Variants in NEURL1 observed in about 807,000 individuals in gnomAD.
NEURL1 encodes the protein neuralized E3 ubiquitin protein ligase 1, also known as E3 ubiquitin-protein ligase NEURL1.
Under a neutral mutation model 41.2 loss-of-function variants are expected in NEURL1, and 26 were observed. The ratio of observed to expected loss-of-function variants is 0.63; its 90% CI spans 0.46 to 0.87. The LOEUF is 0.87. Among genes scored for constraint, NEURL1 ranks in the 40% least tolerant of loss-of-function variants. The pLI is 0.00. For synonymous variants in NEURL1, 400 were observed against 402.3 expected, an observed-to-expected ratio of 0.99 and a Z score of 0.07; for missense variants, 761 against 871.1, an observed-to-expected ratio of 0.87 and a Z score of 1.59.
At chr10:103,550,700 C>G (rs564213239) in intron 1 of NEURL1, 5 of 152,396 alleles carry the variant, frequency 3.3e-5, no homozygotes, top group African/African-American at 1.2e-4. Flanking sequence ...GGTCCACTGT[C>G]CCCTTGTCTT....
rs138292297 is a variant in NEURL1, at chr10:103,572,611, C to T, written c.649+789C>T. ...GGCCGGAAGAGGACAGGAGAATCTC[C>T]GACTTCCTAGGGTCACACAGTAAGT... On this transcript the variant is annotated intron_variant, in intron 3 of 5. Coordinates refer to ENST00000369780, the MANE Select transcript of NEURL1 (RefSeq NM_004210.5). Among the ~76,000 whole-genome samples, 109 of 152,292 alleles carry T rather than the reference C, an allele frequency of 7.2e-4. 1 individual carries two copies. Among genetic ancestry groups the T allele is most frequent in the Middle Eastern group, 3.4e-3 (1 of 294 alleles).
chr10:103,544,873 A>C (rs1358415056), intron 1 of NEURL1, among the ~76,000 whole-genome samples: 1 of 152,204 alleles, frequency 6.6e-6, no homozygotes, highest in Non-Finnish European at 1.5e-5. Context: ...CACCGCCACC[A>C]GGAGGGAGAA....
intron 1 of NEURL1, among the ~76,000 whole-genome samples, chr10:103,553,286 C>T (rs534755781): frequency 6.6e-6 from 1 of 152,198 alleles, no homozygotes; most frequent in South Asian, 2.1e-4. Flanking sequence ...AGTAAGACCT[C>T]GTGTTTGCTG....
intron 1 of NEURL1, among the ~76,000 whole-genome samples, chr10:103,555,646 A>G (rs1172813208): frequency 1.3e-5 from 2 of 152,008 alleles, no homozygotes; most frequent in Admixed American, 1.3e-4. Context: ...GCGCCCTCCC[A>G]CTGATGGTGG....
At chr10:103,561,145 A>C (rs776170887) in intron 1 of NEURL1, among the ~76,000 whole-genome samples, 1 of 152,310 alleles carries the variant, frequency 6.6e-6, no homozygotes, top group Non-Finnish European at 1.5e-5. Context: ...ACACCGTGGC[A>C]GCTGGCTTCC....
intron 1 of NEURL1, among the ~76,000 whole-genome samples, chr10:103,519,593 C>A (rs2034298458): frequency 6.6e-6 from 1 of 152,162 alleles, no homozygotes; most frequent in African/African-American, 2.4e-5. Flanking sequence ...CATCTGAGGG[C>A]TGGTCGGGTC....
intron 1 of NEURL1, among the ~76,000 whole-genome samples, chr10:103,551,344 C>T (rs570198405): frequency 1.4e-5 from 2 of 146,190 alleles, no homozygotes; most frequent in African/African-American, 2.6e-5. Context: ...GCTCTGTCGC[C>T]CAGGCTGGAC....
chr10:103,580,684 T>C (rs2035767239), intron 3 of NEURL1, among the ~76,000 whole-genome samples: 1 of 152,142 alleles, frequency 6.6e-6, no homozygotes, highest in Non-Finnish European at 1.5e-5. Flanking sequence ...TGCCTGCAGC[T>C]GCTCCTGACC....
At chr10:103,544,134 G>A (rs2034878894) in intron 1 of NEURL1, among the ~76,000 whole-genome samples, 1 of 152,200 alleles carries the variant, frequency 6.6e-6, no homozygotes, top group Admixed American at 6.5e-5. Flanking sequence ...ATGATGCTGG[G>A]GGCCTGAACC....
chr10:103,549,825 A>G (rs189870266), intron 1 of NEURL1, among the ~76,000 whole-genome samples: 2 of 152,136 alleles, frequency 1.3e-5, no homozygotes, highest in South Asian at 4.1e-4. Flanking sequence ...CTGGATTTAT[A>G]TGTCATATTA....
intron 1 of NEURL1, among the ~76,000 whole-genome samples, chr10:103,505,907 C>T (rs1426377950): frequency 2.0e-5 from 3 of 152,344 alleles, no homozygotes; most frequent in East Asian, 3.9e-4. Flanking sequence ...GTCCCACCCG[C>T]TTCTCACTCA....
chr10:103,579,731 G>A (rs2133882164), intron 3 of NEURL1, among the ~76,000 whole-genome samples: 1 of 152,182 alleles, frequency 6.6e-6, no homozygotes, highest in South Asian at 2.1e-4. Context: ...CACTTGAGCT[G>A]AGGAGTTCGA....
chr10:103,571,914 AG>A (rs1431624846), intron 3 of NEURL1, 92 bp downstream of exon 3: 1 of 1,268,336 alleles, frequency 7.9e-7, no homozygotes, highest in Non-Finnish European at 1.1e-6. Flanking sequence ...CATCAGGCGT[AG>A]GGACCCCTCT....
At chr10:103,561,928 T>C (rs72848984) in intron 1 of NEURL1, among the ~76,000 whole-genome samples, 24,635 of 152,168 alleles carry the variant, frequency 0.16, 2,180 homozygotes, top group Non-Finnish European at 0.2. Context: ...TTTTTCTAAT[T>C]TCTCCACCGG....
At chr10:103,588,921 G>T in intron 4 of NEURL1, 1 of 426,482 alleles carries the variant, frequency 2.3e-6, no homozygotes, top group Non-Finnish European at 4.6e-6. Flanking sequence ...ACTCCAGCCT[G>T]GCGACAGCGA....
intron 1 of NEURL1, among the ~76,000 whole-genome samples, chr10:103,519,991 C>G (rs1347885063): frequency 6.6e-6 from 1 of 151,962 alleles, no homozygotes; most frequent in Non-Finnish European, 1.5e-5. Flanking sequence ...ACTATGTTGT[C>G]CAGGCTGGTC....
intron 1 of NEURL1, among the ~76,000 whole-genome samples, chr10:103,530,264 A>G (rs2034542566): frequency 6.7e-6 from 1 of 150,012 alleles, no homozygotes; most frequent in Non-Finnish European, 1.5e-5. Context: ...TTTCTTTTCT[A>G]GTGCCTTGAG....
At chr10:103,494,559 A>G in intron 1 of NEURL1, 87 bp downstream of exon 1, 1 of 1,188,140 alleles carries the variant, frequency 8.4e-7, no homozygotes, top group South Asian at 1.5e-5. Context: ...GGCAGACGCC[A>G]CCTGTTGTGC....
In NEURL1 at chr10:103,556,073, C is replaced by T. The variant is rs1251401772; in HGVS notation, c.86-14799C>T. ...GACCTCGCTTCTCCAAGTGTGTGCT[C>T]TGTGGGGGAGGCCAGAGAACTTCTG... On this transcript the variant is annotated intron_variant, in intron 1 of 5. Transcript: ENST00000369780. The surrounding 1 kb of genome is among the most constrained non-coding windows in gnomAD (Gnocchi z 4.4). Among the ~76,000 whole-genome samples the T allele has an allele frequency of 6.6e-6, 1 of 152,234 alleles. No individual in the cohort carries two copies. The highest frequency in any genetic ancestry group is 1.5e-5 in the Non-Finnish European group (1 of 68,034).
Sources: gnomAD v4.1 joint callset for allele counts (sites outside exome capture counted in the v4.1 genomes callset) on GRCh38, gnomAD v4.1.1 for gene constraint, Gnocchi (gnomAD v3.1) non-coding constraint, MANE v1.5 for transcripts, NCBI Gene and HGNC (gene_info 2026-07-23, HGNC 2026-07-21) for gene names.